HSPG2: variants seen among roughly 807,000 people sequenced by gnomAD.
HSPG2 encodes the protein heparan sulfate proteoglycan 2, also known as basement membrane-specific heparan sulfate proteoglycan core protein.
HSPG2 carries 278 observed loss-of-function variants against 526.6 expected under a neutral mutation model. The ratio of observed to expected loss-of-function variants is 0.53; its 90% CI spans 0.48 to 0.58. The LOEUF (loss-of-function observed/expected upper bound fraction) is 0.58. Among genes scored for constraint, HSPG2 ranks in the 20% least tolerant of loss-of-function variants. The probability of loss-of-function intolerance (pLI) is 0.00; values close to 1 mark genes in which losing one functional copy is unlikely to be tolerated. For synonymous variants in HSPG2, 2,465 were observed against 2,555.4 expected, an observed-to-expected ratio of 0.96 and a Z score of 1.07; for missense variants, 5,354 against 6,099.5, an observed-to-expected ratio of 0.88 and a Z score of 4.07.
In HSPG2 at chr1:21,898,942, G is replaced by A. The variant is rs1423284222; in HGVS notation, c.64-2632C>T. Among the ~76,000 whole-genome samples the A allele has an allele frequency of 1.3e-5, 2 of 152,252 alleles. No homozygotes were observed. The highest frequency in any genetic ancestry group is 2.1e-4 in the South Asian group (1 of 4,834). ...AGCAGGGAGCTGGTCAGCGGGTGGC[G>A]GCGGGGGTGGCCTTGGGACCAGACA... On this transcript the variant is annotated intron_variant, in intron 1 of 96. Coordinates refer to ENST00000374695, the MANE Select transcript of HSPG2 (RefSeq NM_005529.7). The surrounding 1 kb of genome is among the most constrained non-coding windows in gnomAD (Gnocchi z 4.0).
chr1:21,841,726 G>A, intron 69 of HSPG2, 53 bp from the exon 70 acceptor site: 1 of 1,607,498 alleles, frequency 6.2e-7, no homozygotes, highest in Non-Finnish European at 8.5e-7. Context: ...TCCTTCTCGT[G>A]TCTTGGTGCT....
chr1:21,903,535 G>A (rs1019130024), intron 1 of HSPG2, among the ~76,000 whole-genome samples: 2 of 152,120 alleles, frequency 1.3e-5, no homozygotes, highest in Non-Finnish European at 2.9e-5. Context: ...AGGAGGCAGA[G>A]GTTGCAGTGA....
Position 21,884,622 on chromosome 1 carries a change from G to C in HSPG2, c.1560C>G (p.Pro520=). The part of the protein sequence containing the change: ...FYLEHSAACL[P]CFCFGITSVC... ...CGCTGGTGATGCCAAAGCAGAAGCA[G>C]GGCAGGCAGGCGGCGCTGTGCTCCA... The change falls in exon 13 of 97, where the codon CCC becomes CCG. Residue 520 remains proline (P), a synonymous_variant. Coordinates refer to ENST00000374695, the MANE Select transcript of HSPG2 (RefSeq NM_005529.7). 1 of 1,611,416 alleles carries C rather than the reference G, an allele frequency of 6.2e-7. No individual in the cohort carries two copies. Among genetic ancestry groups the C allele is most frequent in the Non-Finnish European group, 8.5e-7 (1 of 1,179,816 alleles).
At chr1:21,914,851 C>T (rs1643846182) in intron 1 of HSPG2, among the ~76,000 whole-genome samples, 1 of 152,168 alleles carries the variant, frequency 6.6e-6, no homozygotes, top group South Asian at 2.1e-4. Flanking sequence ...CAGACCCTGC[C>T]CACCTGAACT....
chr1:21,823,563 C>T (rs2097958144), intron 96 of HSPG2, 53 bp downstream of exon 96: 2 of 1,610,386 alleles, frequency 1.2e-6, no homozygotes, highest in Non-Finnish European at 1.7e-6. Context: ...CGAGCTCTAG[C>T]CCTAAGGGAG....
chr1:21,913,721 C>T (rs770632401), intron 1 of HSPG2, among the ~76,000 whole-genome samples: 3 of 152,236 alleles, frequency 2.0e-5, no homozygotes, highest in Non-Finnish European at 4.4e-5. Context: ...AGAAGGGGAA[C>T]CCCCAAAAGA....
At position 21,848,008 on chromosome 1, in the gene HSPG2, G is replaced by A. The variant is rs773809433; in HGVS notation, c.7823C>T (p.Ser2608Phe). The A allele has an allele frequency of 6.2e-7, 1 of 1,613,548 alleles. No individual in the cohort carries two copies. The highest frequency in any genetic ancestry group is 1.3e-5 in the African/African-American group (1 of 74,920). Residue 2608 changes from serine (S) to phenylalanine (F), a missense_variant, in exon 60 of 97, where the codon TCC becomes TTC. Coordinates refer to ENST00000374695, the MANE Select transcript of HSPG2 (RefSeq NM_005529.7). The surrounding 1 kb of genome is among the most constrained non-coding windows in gnomAD (Gnocchi z 4.9). Reference sequence around the variant, plus strand: ...GGTGACGATGAGCGAGGTCTCCCGGGAGCCTGCACCGTTACTGACGTGACA... The same window carrying A: ...GGTGACGATGAGCGAGGTCTCCCGGAAGCCTGCACCGTTACTGACGTGACA... ...YVCHVSNGAG[S>F]RETSLIVTIQ...
At chr1:21,880,889 G>A (rs1370012325) in intron 14 of HSPG2, 54 bp from the exon 15 acceptor site, 14 of 1,489,202 alleles carry the variant, frequency 9.4e-6, no homozygotes, top group African/African-American at 5.6e-5. Flanking sequence ...TTGACACCTC[G>A]TGCCTATGAG....
At chr1:21,897,786 C>T (rs1195392124) in intron 1 of HSPG2, among the ~76,000 whole-genome samples, 1 of 152,132 alleles carries the variant, frequency 6.6e-6, no homozygotes, top group Non-Finnish European at 1.5e-5. Flanking sequence ...GCACAAGAGA[C>T]ACTTCTGGGG....
At chr1:21,929,525 G>T (rs1338198504) in intron 1 of HSPG2, among the ~76,000 whole-genome samples, 1 of 151,108 alleles carries the variant, frequency 6.6e-6, no homozygotes, top group Non-Finnish European at 1.5e-5. Flanking sequence ...CTCCTACCTT[G>T]GTCTCCCAAA....
At chr1:21,841,912 CCAGA>C in intron 69 of HSPG2, 86 bp downstream of exon 69, 1 of 1,553,114 alleles carries the variant, frequency 6.4e-7, no homozygotes, top group East Asian at 2.2e-5. Flanking sequence ...TGTGGGGCGT[CCAGA>C]CTTCTGCCCC....
Position 21,880,847 on chromosome 1 carries a change from G to A in HSPG2, c.1819-12C>T, listed in dbSNP as rs767387664. Reference sequence around the variant, plus strand: ...CCATAGGAGTCCACCTGGCACAACAGGGTGGATCAGCACGGGCAGCTGTGG... The same window carrying A: ...CCATAGGAGTCCACCTGGCACAACAAGGTGGATCAGCACGGGCAGCTGTGG... On this transcript the variant is annotated splice_polypyrimidine_tract_variant and intron_variant, in intron 14 of 96. Coordinates refer to ENST00000374695, the MANE Select transcript of HSPG2 (RefSeq NM_005529.7). The A allele has an allele frequency of 1.9e-6, 3 of 1,584,150 alleles. No individual in the cohort carries two copies. The highest frequency in any genetic ancestry group is 2.6e-6 in the Non-Finnish European group (3 of 1,166,174).
intron 71 of HSPG2, 147 bp from the exon 72 acceptor site, chr1:21,840,164 G>A (rs2098042987): frequency 1.4e-6 from 1 of 694,594 alleles, no homozygotes; most frequent in South Asian, 1.7e-5. Context: ...TTTGAGACAG[G>A]GTCTTACTCT....
intron 33 of HSPG2, chr1:21,869,428 GT>G: frequency 1.0e-6 from 1 of 985,210 alleles, no homozygotes. Context: ...AGAAAGCATG[GT>G]GGGTGGGGAT....
At chr1:21,855,022 C>A in intron 47 of HSPG2, 39 bp from the exon 48 acceptor site, 1 of 1,607,208 alleles carries the variant, frequency 6.2e-7, no homozygotes. Flanking sequence ...CCAGAGGCAG[C>A]TGGACAACGG....
rs1224082697 is a variant in HSPG2, at chr1:21,839,739, C to A, written c.9709+83G>T. The A allele has an allele frequency of 6.7e-7, 1 of 1,497,030 alleles. No homozygotes were observed. The highest frequency in any genetic ancestry group is 2.3e-5 in the East Asian group (1 of 43,616). The allele number at this position is 1,497,030 out of a possible 1,614,324, so 92.7% of individuals were successfully genotyped here. A position where few individuals can be genotyped will look rare whatever the true frequency, so the allele number is the denominator to read the frequency against. ...TACTCCCCACCCCTGGGCATGACAT[C>A]ATCTCTAGATCACATGTGTCTACAT... On this transcript the variant is annotated intron_variant, in intron 72 of 96. Coordinates refer to ENST00000374695, the MANE Select transcript of HSPG2 (RefSeq NM_005529.7). This position sits in a 1 kb window ranked among gnomAD's most constrained non-coding sequence, Gnocchi z 4.5.
Position 21,881,411 on chromosome 1 carries a change from T to A in HSPG2, c.1746A>T (p.Leu582=). The A allele has an allele frequency of 6.2e-7, 1 of 1,614,076 alleles. No homozygotes were observed. The highest frequency in any genetic ancestry group is 8.5e-7 in the Non-Finnish European group (1 of 1,180,014). ...QIDPSLHEFQ[L]VDLSRRFLVH... ...CGAGGAAGCGGCGGGACAGGTCGAC[T>A]AGCTGGAACTCGTGCAGGGATGGGT... Residue 582 remains leucine (L), a synonymous_variant, in exon 14 of 97, where the codon CTA becomes CTT. Transcript: ENST00000374695.
chr1:21,853,379 G>C (rs1639066572), intron 50 of HSPG2, among the ~76,000 whole-genome samples: 2 of 152,216 alleles, frequency 1.3e-5, no homozygotes, highest in African/African-American at 4.8e-5. Flanking sequence ...ATGACAGTGA[G>C]ACACCTCCCT....
rs565720205 is a variant in HSPG2 at position 21,865,454 on chromosome 1, C to T, written c.4315-89G>A. On this transcript the variant is annotated intron_variant, in intron 34 of 96. Coordinates refer to ENST00000374695, the MANE Select transcript of HSPG2 (RefSeq NM_005529.7). This position sits in a 1 kb window ranked among gnomAD's most constrained non-coding sequence, Gnocchi z 5.4. ...CCACCAGTCCTAGATTCTCTGTAAC[C>T]CCCAGCCTCCCACCTCTCTGCTCTC... 2.6e-5 allele frequency: 32 copies of T among 1,247,220 alleles called. No individual in the cohort carries two copies. The highest frequency in any genetic ancestry group is 5.9e-5 in the African/African-American group (4 of 67,846). 77.3% of individuals were successfully genotyped at this position (1,247,220 alleles called of 1,614,324 possible).
Sources: allele counts gnomAD v4.1 joint callset (sites outside exome capture counted in the v4.1 genomes callset), GRCh38; gene constraint gnomAD v4.1.1; non-coding constraint Gnocchi (gnomAD v3.1); transcripts MANE v1.5; gene names NCBI Gene and HGNC (gene_info 2026-07-23, HGNC 2026-07-21).